Variants in NLGN1 observed in about 807,000 individuals in gnomAD.
The protein encoded by NLGN1 is neuroligin 1, also known as neuroligin-1.
A neutral mutation model predicts 65.5 loss-of-function variants in NLGN1; 12 were observed. The ratio of observed to expected loss-of-function variants is 0.18; its 90% CI spans 0.12 to 0.30. The LOEUF (loss-of-function observed/expected upper bound fraction) is 0.30, where lower values mean the gene tolerates loss of function less well. NLGN1 is among the 10% of genes least tolerant of loss of function. NLGN1 has a pLI of 1.00. For missense variants in NLGN1, 750 were observed against 1,007.1 expected (o/e 0.74, Z 3.46); for synonymous variants, 350 against 359.5 (o/e 0.97, Z 0.30).
At chr3:173,518,978 G>A (rs1734312464) in intron 2 of NLGN1, among the ~76,000 whole-genome samples, 1 of 152,110 alleles carries the variant, frequency 6.6e-6, no homozygotes, top group Non-Finnish European at 1.5e-5. Context: ...CTGTGTCCAG[G>A]GCCCTGCTGT....
At chr3:173,857,427 G>A (rs1467142192) in intron 4 of NLGN1, among the ~76,000 whole-genome samples, 3 of 151,980 alleles carry the variant, frequency 2.0e-5, no homozygotes, top group African/African-American at 7.2e-5. Flanking sequence ...TACCTTTGAG[G>A]TGTTATCACT....
intron 4 of NLGN1, among the ~76,000 whole-genome samples, chr3:173,823,686 A>T (rs1018913107): frequency 1.3e-5 from 2 of 152,072 alleles, no homozygotes; most frequent in African/African-American, 4.8e-5. Context: ...CAATAGTCAC[A>T]TGTGGCTATT....
chr3:174,091,977 A>T (rs1744605887), intron 4 of NLGN1, among the ~76,000 whole-genome samples: 1 of 152,212 alleles, frequency 6.6e-6, no homozygotes, highest in African/African-American at 2.4e-5. Flanking sequence ...TTAAAAATAA[A>T]TCTCTGACCC....
intron 4 of NLGN1, among the ~76,000 whole-genome samples, chr3:173,965,072 A>G (rs1475674524): frequency 1.3e-5 from 2 of 152,142 alleles, no homozygotes; most frequent in African/African-American, 2.4e-5. Flanking sequence ...AGTTGCTTAT[A>G]GGTATTTTTT....
intron 4 of NLGN1, among the ~76,000 whole-genome samples, chr3:174,005,998 G>A (rs912724963): frequency 1.3e-5 from 2 of 151,986 alleles, no homozygotes; most frequent in Non-Finnish European, 2.9e-5. Context: ...CTACTATACG[G>A]TCAAACTGCC....
At chr3:174,195,708 G>A (rs1733282380) in intron 4 of NLGN1, among the ~76,000 whole-genome samples, 1 of 152,154 alleles carries the variant, frequency 6.6e-6, no homozygotes, top group Non-Finnish European at 1.5e-5. Flanking sequence ...TAAGTTGGAA[G>A]AGATGCCGCT....
intron 2 of NLGN1, among the ~76,000 whole-genome samples, chr3:173,526,782 C>T (rs1735715540): frequency 6.6e-6 from 1 of 152,186 alleles, no homozygotes; most frequent in South Asian, 2.1e-4. Context: ...CATCCTTCTA[C>T]TCTGTCTTCA....
At chr3:173,802,947 A>G (rs1195427267) in intron 3 of NLGN1, among the ~76,000 whole-genome samples, 1 of 151,862 alleles carries the variant, frequency 6.6e-6, no homozygotes, top group African/African-American at 2.4e-5. Flanking sequence ...CAAGCAAGCA[A>G]TTCTCCTGCC....
At chr3:173,650,924 ATT>A (rs71856605) in intron 3 of NLGN1, among the ~76,000 whole-genome samples, 16 of 143,314 alleles carry the variant, frequency 1.1e-4, no homozygotes, top group African/African-American at 3.8e-4. Context: ...TTGCCTGTTT[ATT>A]TTTTTTTTTT....
intron 3 of NLGN1, among the ~76,000 whole-genome samples, chr3:173,787,423 G>A (rs1782160298): frequency 6.6e-6 from 1 of 152,114 alleles, no homozygotes; most frequent in South Asian, 2.1e-4. Flanking sequence ...AAACACTGGA[G>A]ACTAAATGGA....
chr3:173,601,812 T>C (rs542113687), intron 2 of NLGN1, among the ~76,000 whole-genome samples: 10 of 151,188 alleles, frequency 6.6e-5, no homozygotes, highest in African/African-American at 2.5e-4. Context: ...TATAAAAATA[T>C]ATAGCAAAAT....
At chr3:173,398,080 G>A (rs1462495177), upstream of NLGN1, 1 of 152,344 alleles carries the variant, frequency 6.6e-6, no homozygotes, top group African/African-American at 2.4e-5. Flanking sequence ...AAGAAATAAG[G>A]AACAGATTAC....
At chr3:173,954,376 G>GTTATTA (rs1158744842) in intron 4 of NLGN1, among the ~76,000 whole-genome samples, 1 of 151,530 alleles carries the variant, frequency 6.6e-6, no homozygotes, top group Non-Finnish European at 1.5e-5. Context: ...AGTGTAAAAG[G>GTTATTA]TTATTATTAT....
At chr3:174,263,082 G>T (rs1391739057) in intron 4 of NLGN1, among the ~76,000 whole-genome samples, 14 of 145,412 alleles carry the variant, frequency 9.6e-5, no homozygotes, top group African/African-American at 3.4e-4. Flanking sequence ...TTTTACATTT[G>T]CTGAGGAGAG....
chr3:173,409,186 T>C (rs999939803), intron 1 of NLGN1, among the ~76,000 whole-genome samples: 14 of 152,256 alleles, frequency 9.2e-5, no homozygotes, highest in African/African-American at 3.1e-4. Flanking sequence ...AGAAAGAGTA[T>C]AAAGAGCCAT....
rs11459355 is a variant in NLGN1, at chr3:173,968,555, G to GA, written c.646+160731dup. On this transcript the variant is annotated intron_variant, in intron 4 of 6. Transcript: ENST00000457714. ...GGCTTATAATTAAGTGTGTTAATCA[G>GA]AAAAAAAATACTTTATAGCAAGAAT... Among the ~76,000 whole-genome samples the GA allele has an allele frequency of 7.1e-3, 1,064 of 150,898 alleles. 4 individuals are homozygous for GA. Among genetic ancestry groups the GA allele is most frequent in the Middle Eastern group, 0.044 (13 of 294 alleles).
At chr3:173,397,774 G>C (rs1472100711), upstream of NLGN1, 3 of 152,326 alleles carry the variant, frequency 2.0e-5, no homozygotes, top group East Asian at 3.9e-4. Flanking sequence ...ATCAGGCGGC[G>C]GCGCGGAGAG....
At chr3:173,950,727 T>C (rs1489409160) in intron 4 of NLGN1, among the ~76,000 whole-genome samples, 1 of 149,338 alleles carries the variant, frequency 6.7e-6, no homozygotes, top group Non-Finnish European at 1.5e-5. Context: ...GCAGAATTGC[T>C]CCAACCCAGG....
At chr3:173,837,347 T>C (rs1400754149) in intron 4 of NLGN1, among the ~76,000 whole-genome samples, 2 of 152,100 alleles carry the variant, frequency 1.3e-5, no homozygotes, top group Non-Finnish European at 2.9e-5. Context: ...AATTTAAAAG[T>C]GTATCTATAT....
Sources: gnomAD v4.1 joint callset for allele counts (sites outside exome capture counted in the v4.1 genomes callset) on GRCh38, gnomAD v4.1.1 for gene constraint, MANE v1.5 for transcripts, NCBI Gene and HGNC (gene_info 2026-07-23, HGNC 2026-07-21) for gene names.